The following MAF variants were observed in gnomAD, a reference collection of about 807,000 sequenced individuals.
The protein encoded by MAF is transcription factor Maf.
A neutral mutation model predicts 22.0 loss-of-function variants in MAF; 10 were observed. The ratio of observed to expected loss-of-function variants is 0.45; its 90% CI spans 0.28 to 0.77. The LOEUF (loss-of-function observed/expected upper bound fraction) is 0.77. MAF is among the 30% of genes least tolerant of loss of function. The pLI is 0.12. For synonymous variants in MAF, 337 were observed against 255.8 expected, an observed-to-expected ratio of 1.32 and a Z score of -3.03; for missense variants, 544 against 548.4, an observed-to-expected ratio of 0.99 and a Z score of 0.08.
At chr16:79,503,373 C>A in the MAF span, among the ~76,000 whole-genome samples, 2 of 152,132 alleles carry the variant, frequency 1.3e-5, no homozygotes, top group African/African-American at 4.8e-5. Flanking sequence ...TTTACAAGGA[C>A]TCACATTTTC....
chr16:79,408,168 G>T, the MAF span, among the ~76,000 whole-genome samples: 1 of 148,940 alleles, frequency 6.7e-6, no homozygotes, highest in Non-Finnish European at 1.5e-5. Context: ...GGCTAACATC[G>T]TGGCTTTTCT....
At chr16:79,236,910 A>G in the MAF span, among the ~76,000 whole-genome samples, 13 of 149,646 alleles carry the variant, frequency 8.7e-5, no homozygotes, top group Admixed American at 2.0e-4. Flanking sequence ...TAGTGCTTCT[A>G]CTTGACCTCA....
At chr16:79,347,113 T>C in the MAF span, among the ~76,000 whole-genome samples, 1 of 152,242 alleles carries the variant, frequency 6.6e-6, no homozygotes, top group African/African-American at 2.4e-5. Flanking sequence ...AAATGCTTCC[T>C]GTTCTTGTGA....
the MAF span, among the ~76,000 whole-genome samples, chr16:79,260,067 G>A: frequency 6.6e-6 from 1 of 152,298 alleles, no homozygotes; most frequent in Middle Eastern, 3.4e-3. Context: ...AGCTGACTGG[G>A]ATATTTTTTC....
At chr16:79,575,941 C>A in the MAF span, among the ~76,000 whole-genome samples, 1 of 152,036 alleles carries the variant, frequency 6.6e-6, no homozygotes, top group Non-Finnish European at 1.5e-5. Context: ...GGATTTTCTA[C>A]AAGAACAGAG....
chr16:79,362,427 T>C, the MAF span, among the ~76,000 whole-genome samples: 5,171 of 152,272 alleles, frequency 0.034, 258 homozygotes, highest in African/African-American at 0.12. Flanking sequence ...AATTTTGTTG[T>C]TGCTGAGAAG....
the MAF span, among the ~76,000 whole-genome samples, chr16:79,416,930 G>A: frequency 6.6e-6 from 1 of 152,152 alleles, no homozygotes; most frequent in African/African-American, 2.4e-5. Context: ...TGATGACTGT[G>A]ACAACAATCA....
At chr16:79,212,802 A>G in the MAF span, 1 of 152,134 alleles carries the variant, frequency 6.6e-6, no homozygotes, top group African/African-American at 2.4e-5. Context: ...GGAAAACACG[A>G]TTCTTGTTTC....
the MAF span, among the ~76,000 whole-genome samples, chr16:79,446,959 G>A: frequency 6.6e-6 from 1 of 151,932 alleles, no homozygotes; most frequent in Non-Finnish European, 1.5e-5. Context: ...AGAAGAAAAA[G>A]TAAAAGAAAT....
the MAF span, among the ~76,000 whole-genome samples, chr16:79,421,690 G>A: frequency 4.6e-5 from 7 of 150,712 alleles, no homozygotes; most frequent in African/African-American, 1.7e-4. Flanking sequence ...AGGCTGGAGT[G>A]CAATGGCACA....
At chr16:79,241,957 G>C in the MAF span, among the ~76,000 whole-genome samples, 6 of 152,040 alleles carry the variant, frequency 3.9e-5, no homozygotes, top group East Asian at 3.9e-4. Flanking sequence ...TTCATAAGCA[G>C]AGGAGAAATA....
At chr16:79,293,172 A>G in the MAF span, among the ~76,000 whole-genome samples, 1 of 152,152 alleles carries the variant, frequency 6.6e-6, no homozygotes, top group East Asian at 1.9e-4. Flanking sequence ...CGTGAGGTCC[A>G]AGAACCCTCT....
the MAF span, chr16:79,203,051 GAATT>G: frequency 6.6e-6 from 1 of 152,194 alleles, no homozygotes; most frequent in African/African-American, 2.4e-5. Flanking sequence ...CACCGAGGCA[GAATT>G]ATTTACCCGG....
At chr16:79,312,920 A>AT in the MAF span, among the ~76,000 whole-genome samples, 1 of 152,184 alleles carries the variant, frequency 6.6e-6, no homozygotes. Flanking sequence ...GTGGCCTGAT[A>AT]ATATAAGACT....
chr16:79,477,120 G>C, the MAF span, among the ~76,000 whole-genome samples: 1 of 152,288 alleles, frequency 6.6e-6, no homozygotes, highest in African/African-American at 2.4e-5. Flanking sequence ...ATGGTTGAAA[G>C]GACCCAGAGT....
chr16:79,277,596 G>A, the MAF span, among the ~76,000 whole-genome samples: 1 of 152,106 alleles, frequency 6.6e-6, no homozygotes, highest in African/African-American at 2.4e-5. Flanking sequence ...GCTAACAGAG[G>A]AGAAAAAGAG....
the MAF span, among the ~76,000 whole-genome samples, chr16:79,536,449 C>A: frequency 1.3e-5 from 2 of 152,160 alleles, no homozygotes; most frequent in Non-Finnish European, 2.9e-5. Flanking sequence ...TCAAGACCAG[C>A]CTGGCTAATA....
chr16:79,426,661 C>T, the MAF span, among the ~76,000 whole-genome samples: 12 of 152,214 alleles, frequency 7.9e-5, no homozygotes, highest in Non-Finnish European at 1.6e-4. Flanking sequence ...CTGAGCCAGC[C>T]TAGCTATTTG....
At chr16:79,478,227 G>A in the MAF span, among the ~76,000 whole-genome samples, 1 of 152,292 alleles carries the variant, frequency 6.6e-6, no homozygotes, top group South Asian at 2.1e-4. Flanking sequence ...CTCAATCACA[G>A]TTAGCCTTGA....
Sources: allele counts gnomAD v4.1 joint callset (sites outside exome capture counted in the v4.1 genomes callset), GRCh38; gene constraint gnomAD v4.1.1; transcripts MANE v1.5; gene names NCBI Gene and HGNC (gene_info 2026-07-23, HGNC 2026-07-21).